The following AKAP13 variants were observed in gnomAD, a reference collection of about 807,000 sequenced individuals.
AKAP13 encodes the protein A-kinase anchoring protein 13, also known as A-kinase anchor protein 13.
In AKAP13, 80 loss-of-function variants were observed where a neutral mutation model predicts 264.5. The ratio of observed to expected loss-of-function variants is 0.30; its 90% CI spans 0.25 to 0.36. The LOEUF is 0.36. Among genes scored for constraint, AKAP13 ranks in the 10% least tolerant of loss-of-function variants. The pLI is 1.00. For missense variants in AKAP13, 3,712 were observed against 3,435.2 expected, an observed-to-expected ratio of 1.08 and a Z score of -2.01; for synonymous variants, 1,380 against 1,250.2, an observed-to-expected ratio of 1.10 and a Z score of -2.19.
chr15:85,703,483 C>T (rs2086044808), intron 17 of AKAP13, among the ~76,000 whole-genome samples: 1 of 152,190 alleles, frequency 6.6e-6, no homozygotes, highest in South Asian at 2.1e-4. Context: ...CCAAGAACAT[C>T]TCACATGCCT....
intron 8 of AKAP13, among the ~76,000 whole-genome samples, chr15:85,628,050 C>A (rs749107763): frequency 6.6e-6 from 1 of 152,124 alleles, no homozygotes; most frequent in Non-Finnish European, 1.5e-5. Context: ...TATTTGTGTA[C>A]CTATTGTATT....
At chr15:85,435,289 A>G (rs1228226186) in intron 1 of AKAP13, among the ~76,000 whole-genome samples, 2 of 142,162 alleles carry the variant, frequency 1.4e-5, no homozygotes, top group Non-Finnish European at 3.1e-5. Flanking sequence ...AGAAATGAGC[A>G]AAGCCTCCAA....
intron 3 of AKAP13, among the ~76,000 whole-genome samples, chr15:85,529,230 G>A (rs2077175265): frequency 6.6e-6 from 1 of 152,100 alleles, no homozygotes; most frequent in Admixed American, 6.6e-5. Context: ...GACCATCCTG[G>A]CTAATGCAAT....
chr15:85,479,795 C>T (rs1366650681), intron 1 of AKAP13, among the ~76,000 whole-genome samples: 1 of 152,078 alleles, frequency 6.6e-6, no homozygotes, highest in Non-Finnish European at 1.5e-5. Flanking sequence ...AATGGTGGAG[C>T]GCTTGTTAAA....
At chr15:85,730,269 G>A (rs190164372) in intron 29 of AKAP13, among the ~76,000 whole-genome samples, 1 of 152,332 alleles carries the variant, frequency 6.6e-6, no homozygotes, top group African/African-American at 2.4e-5. Context: ...TGGAAGCAAA[G>A]TGCAGACTTG....
chr15:85,643,033 C>T (rs67802907), intron 9 of AKAP13, among the ~76,000 whole-genome samples: 2 of 80,588 alleles, frequency 2.5e-5, no homozygotes, highest in African/African-American at 1.3e-4. Flanking sequence ...AAAAAAAAAA[C>T]CTCCAGAATA....
At chr15:85,588,511 T>C (rs2079451502) in intron 8 of AKAP13, among the ~76,000 whole-genome samples, 1 of 152,222 alleles carries the variant, frequency 6.6e-6, no homozygotes, top group Non-Finnish European at 1.5e-5. Context: ...ATTAGAGTCA[T>C]TGAATCCAGG....
At chr15:85,699,207 G>A (rs2085756629) in intron 17 of AKAP13, among the ~76,000 whole-genome samples, 1 of 152,102 alleles carries the variant, frequency 6.6e-6, no homozygotes, top group Admixed American at 6.6e-5. Flanking sequence ...ACTTTGGGAG[G>A]CTGAGACGGG....
chr15:85,730,628 T>C lies in AKAP13; in HGVS notation c.7203T>C (p.His2401=), dbSNP rs1169038430. 5 of 1,613,990 alleles carry C rather than the reference T, an allele frequency of 3.1e-6. No individual in the cohort carries two copies. The African/African-American group carries it at 4.0e-5, about 13-fold the overall frequency. The part of the protein sequence containing the change: ...TPLPEDCSPT[H]SPRVLFRSNT... ...TCCCAGAGGATTGCTCCCCAACACA[T>C]AGCCCTAGAGTTCTCTTCCGCTCCA... is the stretch of plus-strand genomic sequence containing the variant. The change falls in exon 30 of 37, where the codon CAT becomes CAC. Residue 2401 remains histidine (H), a synonymous_variant. Coordinates refer to ENST00000394518, the MANE Select transcript of AKAP13 (RefSeq NM_007200.5).
intron 8 of AKAP13, among the ~76,000 whole-genome samples, chr15:85,626,004 A>G (rs2081393485): frequency 6.6e-6 from 1 of 152,242 alleles, no homozygotes; most frequent in South Asian, 2.1e-4. Flanking sequence ...TTCACACATG[A>G]ATATGATACG....
intron 1 of AKAP13, among the ~76,000 whole-genome samples, chr15:85,444,214 A>T (rs1266702779): frequency 6.6e-6 from 1 of 152,158 alleles, no homozygotes. Flanking sequence ...TATATGAATT[A>T]TATTTATTCC....
chr15:85,420,273 T>G (rs990442370), intron 1 of AKAP13, among the ~76,000 whole-genome samples: 9 of 151,986 alleles, frequency 5.9e-5, no homozygotes, highest in African/African-American at 2.2e-4. Flanking sequence ...TTTAACAGTA[T>G]TCTGATAGAG....
At chr15:85,683,510 G>A (rs2084720743) in intron 15 of AKAP13, 1 of 152,266 alleles carries the variant, frequency 6.6e-6, no homozygotes, top group Admixed American at 6.5e-5. Context: ...GTGTCACCCA[G>A]GCTGGAGTGC....
rs1298858191 is a variant in AKAP13 at position 85,441,444 on chromosome 15, G to T, written c.-11-44266G>T. Among the ~76,000 whole-genome samples, 4 of 151,918 alleles carry T rather than the reference G, an allele frequency of 2.6e-5. No individual in the cohort carries two copies. In the East Asian group the frequency reaches 5.8e-4, roughly 22 times the overall value. On this transcript the variant is annotated intron_variant, in intron 1 of 36. Transcript: ENST00000394518. Reference sequence around the variant, plus strand: ...TAAATATTTTTTCCTAGTCTCTGACGTAGAGTCTTGTCTTTTAATTTTCTT... The same window carrying T: ...TAAATATTTTTTCCTAGTCTCTGACTTAGAGTCTTGTCTTTTAATTTTCTT...
intron 2 of AKAP13, among the ~76,000 whole-genome samples, chr15:85,491,497 T>TTTATTATATATTATATATTATATATTATA (rs1567085099): frequency 3.2e-4 from 45 of 140,686 alleles, no homozygotes; most frequent in African/African-American, 9.4e-4. Flanking sequence ...TTATATATAT[T>TTTATTATATATTATATATTATATATTATA]TATTATATAT....
chr15:85,533,320 A>G (rs1187680243), intron 3 of AKAP13, among the ~76,000 whole-genome samples: 1 of 152,208 alleles, frequency 6.6e-6, no homozygotes, highest in East Asian at 1.9e-4. Flanking sequence ...GGTTCCAGAT[A>G]CCATGTTATA....
chr15:85,419,931 T>C (rs2072434986), intron 1 of AKAP13, among the ~76,000 whole-genome samples: 1 of 140,998 alleles, frequency 7.1e-6, no homozygotes, highest in African/African-American at 2.5e-5. Flanking sequence ...TGAATCTGAC[T>C]CTTGTTTTTT....
chr15:85,558,726 A>C (rs1217882563), intron 5 of AKAP13, among the ~76,000 whole-genome samples: 1 of 152,174 alleles, frequency 6.6e-6, no homozygotes, highest in Non-Finnish European at 1.5e-5. Context: ...TTTAGTTCTT[A>C]ATCTTTCTAT....
At chr15:85,729,096 C>T (rs754601564) in intron 29 of AKAP13, among the ~76,000 whole-genome samples, 15 of 151,874 alleles carry the variant, frequency 9.9e-5, no homozygotes, top group South Asian at 6.2e-4. Context: ...GTCAGGAGTT[C>T]GAGACCAGCC....
Sources: allele counts gnomAD v4.1 joint callset (sites outside exome capture counted in the v4.1 genomes callset), GRCh38; gene constraint gnomAD v4.1.1; transcripts MANE v1.5; gene names NCBI Gene and HGNC (gene_info 2026-07-23, HGNC 2026-07-21).